Variants in ZNF385D observed in about 807,000 individuals in gnomAD.
The protein encoded by ZNF385D is zinc finger protein 659.
ZNF385D carries 15 observed loss-of-function variants against 35.8 expected under a neutral mutation model. The ratio of observed to expected loss-of-function variants is 0.42; its 90% CI spans 0.28 to 0.64. The LOEUF (loss-of-function observed/expected upper bound fraction) is 0.64. Among genes scored for constraint, ZNF385D ranks in the 30% least tolerant of loss-of-function variants. The pLI, the probability that ZNF385D is intolerant of heterozygous loss-of-function variation, is 0.23. For missense variants in ZNF385D, 474 were observed against 494.6 expected, an observed-to-expected ratio of 0.96 and a Z score of 0.39; for synonymous variants, 212 against 186.8, an observed-to-expected ratio of 1.13 and a Z score of -1.10.
intron 3 of ZNF385D, among the ~76,000 whole-genome samples, chr3:22,116,997 A>T (rs979752525): frequency 6.6e-6 from 1 of 151,994 alleles, no homozygotes; most frequent in African/African-American, 2.4e-5. Flanking sequence ...AATTAGGAAA[A>T]TAGCTTAGGA....
chr3:22,108,844 C>G (rs1459243492), intron 3 of ZNF385D, among the ~76,000 whole-genome samples: 1 of 152,064 alleles, frequency 6.6e-6, no homozygotes, highest in East Asian at 1.9e-4. Context: ...GAAACCCTGT[C>G]TCTACTAAAA....
chr3:21,812,183 G>A lies in ZNF385D; in HGVS notation c.326-147155C>T, dbSNP rs1446758776. Among the ~76,000 whole-genome samples, 4 of 152,202 alleles carry A rather than the reference G, an allele frequency of 2.6e-5. No individual in the cohort carries two copies. In the East Asian group the frequency reaches 7.7e-4, roughly 29 times the overall value. On this transcript the variant is annotated intron_variant, in intron 3 of 5. Transcript: ENST00000494108. ...TCCTCAATTAAAAAAATAGGAAGGG[G>A]AAGATCTTACAGATTAAATATTCCT... is the stretch of plus-strand genomic sequence containing the variant.
intron 2 of ZNF385D, among the ~76,000 whole-genome samples, chr3:22,338,698 ATTTTTT>A (rs562729331): frequency 4.0e-4 from 50 of 125,434 alleles, no homozygotes; most frequent in Admixed American, 1.2e-3. Context: ...TATTCATCTC[ATTTTTT>A]TTTTTTTTTT....
intron 4 of ZNF385D, among the ~76,000 whole-genome samples, chr3:21,456,770 T>C (rs910432495): frequency 3.9e-5 from 6 of 151,992 alleles, no homozygotes; most frequent in African/African-American, 1.4e-4. Flanking sequence ...AGAGAAACTT[T>C]GAGTTTCCTC....
chr3:21,964,535 G>A (rs978375798), intron 3 of ZNF385D, among the ~76,000 whole-genome samples: 1 of 126,092 alleles, frequency 7.9e-6, no homozygotes, highest in East Asian at 2.3e-4. Flanking sequence ...TGTCGCCCAG[G>A]CTGGTGTGCA....
Position 21,912,051 on chromosome 3 carries a change from G to A in ZNF385D, c.326-247023C>T, listed in dbSNP as rs185747847. Among the ~76,000 whole-genome samples, 17 of 151,908 alleles carry A rather than the reference G, an allele frequency of 1.1e-4. No homozygotes were observed. In the East Asian group the frequency reaches 3.3e-3, roughly 29 times the overall value. ...CTAAACAAAATTAACCTAATTTCTT[G>A]TTCCAGGAAATCTTTGCTCCTGGAA... On this transcript the variant is annotated intron_variant, in intron 3 of 5. Coordinates refer to the ZNF385D transcript ENST00000494108.
At position 22,277,731 on chromosome 3, in the gene ZNF385D, C is replaced by A. The variant is rs1701501787; in HGVS notation, c.106+94719G>T. ...AAGGAAACTGCAAGATCTGATGAAA[C>A]AACAGGGAGGCAAATTTTAGATTCA... On this transcript the variant is annotated intron_variant, in intron 2 of 5. Transcript: ENST00000494108. 2.0e-5 allele frequency among the ~76,000 whole-genome samples: 3 copies of A among 152,014 alleles called. 1 individual carries two copies. In the South Asian group the frequency reaches 6.2e-4, roughly 32 times the overall value.
At chr3:21,655,320 T>C (rs1229175779) in intron 2 of ZNF385D, among the ~76,000 whole-genome samples, 1 of 152,060 alleles carries the variant, frequency 6.6e-6, no homozygotes, top group East Asian at 1.9e-4. Context: ...GTATTAAACA[T>C]AGAACTCAAA....
chr3:21,815,390 CAAG>C (rs1267329642), intron 3 of ZNF385D, among the ~76,000 whole-genome samples: 3 of 152,098 alleles, frequency 2.0e-5, no homozygotes, highest in Admixed American at 2.0e-4. Context: ...ATCAATGAAT[CAAG>C]GAGCTGTTTT....
intron 3 of ZNF385D, among the ~76,000 whole-genome samples, chr3:21,960,091 T>A (rs897652158): frequency 7.3e-6 from 1 of 136,184 alleles, no homozygotes; most frequent in Non-Finnish European, 1.6e-5. Flanking sequence ...AAGAATACAA[T>A]CAAAAAGTGA....
chr3:22,079,312 A>G (rs951890760), intron 3 of ZNF385D, among the ~76,000 whole-genome samples: 1 of 152,052 alleles, frequency 6.6e-6, no homozygotes, highest in African/African-American at 2.4e-5. Context: ...TTCAAAGTAC[A>G]AGGTGTTACT....
intron 3 of ZNF385D, among the ~76,000 whole-genome samples, chr3:22,125,152 G>A (rs1703354017): frequency 6.6e-6 from 1 of 152,206 alleles, no homozygotes; most frequent in South Asian, 2.1e-4. Flanking sequence ...AGTTTACCCA[G>A]CATCATTATT....
chr3:21,597,164 A>T (rs2125750216), intron 2 of ZNF385D, among the ~76,000 whole-genome samples: 1 of 152,328 alleles, frequency 6.6e-6, no homozygotes, highest in East Asian at 1.9e-4. Flanking sequence ...ATAAGGTTTA[A>T]TCAACCAATT....
chr3:21,850,483 G>A (rs112150563), intron 3 of ZNF385D, among the ~76,000 whole-genome samples: 147 of 152,138 alleles, frequency 9.7e-4, no homozygotes, highest in African/African-American at 3.1e-3. Flanking sequence ...AATTTGTGAG[G>A]CAAAAGATAC....
intron 2 of ZNF385D, among the ~76,000 whole-genome samples, chr3:22,245,309 C>G (rs533350195): frequency 6.6e-6 from 1 of 152,144 alleles, no homozygotes; most frequent in African/African-American, 2.4e-5. Flanking sequence ...AGCATTCCTA[C>G]CATATGACAG....
intron 3 of ZNF385D, among the ~76,000 whole-genome samples, chr3:21,994,921 G>C (rs1695368678): frequency 6.6e-6 from 1 of 152,232 alleles, no homozygotes; most frequent in Admixed American, 6.5e-5. Context: ...TTGGGCACTA[G>C]TGGCAACAGC....
At chr3:22,012,791 C>A (rs765272380) in intron 3 of ZNF385D, among the ~76,000 whole-genome samples, 41 of 152,072 alleles carry the variant, frequency 2.7e-4, no homozygotes, top group Non-Finnish European at 5.0e-4. Context: ...GCACATAATT[C>A]TTAGGAACTG....
At chr3:21,668,872 T>A (rs2066481533) in intron 1 of ZNF385D, among the ~76,000 whole-genome samples, 1 of 152,214 alleles carries the variant, frequency 6.6e-6, no homozygotes, top group Non-Finnish European at 1.5e-5. Flanking sequence ...AAGGTATGAA[T>A]AAATGTTTAT....
At chr3:22,178,326 T>A (rs1694975399) in intron 2 of ZNF385D, among the ~76,000 whole-genome samples, 1 of 152,248 alleles carries the variant, frequency 6.6e-6, no homozygotes, top group Admixed American at 6.5e-5. Flanking sequence ...TGCATTTCTC[T>A]GATGGCCAGT....
Sources: gnomAD v4.1 joint callset for allele counts (sites outside exome capture counted in the v4.1 genomes callset) on GRCh38, gnomAD v4.1.1 for gene constraint, MANE v1.5 for transcripts, NCBI Gene and HGNC (gene_info 2026-07-23, HGNC 2026-07-21) for gene names.